BAALC: variants seen among roughly 807,000 people sequenced by gnomAD.
BAALC encodes the protein BAALC binder of MAP3K1 and KLF4, also known as brain and acute leukemia cytoplasmic protein.
Under a neutral mutation model 15.5 loss-of-function variants are expected in BAALC, and 9 were observed. That is an observed-to-expected ratio of 0.58 (90% confidence interval 0.35 to 1.02). The LOEUF (loss-of-function observed/expected upper bound fraction) is 1.02. Ranked by LOEUF, BAALC falls within the 50% of genes least tolerant of loss-of-function variation. BAALC has a pLI of 0.02. For synonymous variants in BAALC, 80 were observed against 74.6 expected, an observed-to-expected ratio of 1.07 and a Z score of -0.37; for missense variants, 201 against 192.4, an observed-to-expected ratio of 1.04 and a Z score of -0.27.
In BAALC at chr8:103,163,313, C is replaced by G. The variant is rs145862628; in HGVS notation, c.160+22256C>G. ...ATCCAGCAGGCTCTCCCAGAAGACT[C>G]ACCTGCTGCTGACGTTATCCTCCCA... On this transcript the variant is annotated intron_variant, in intron 1 of 2. Coordinates refer to ENST00000309982, the MANE Select transcript of BAALC (RefSeq NM_024812.3). Among the ~76,000 whole-genome samples the G allele has an allele frequency of 3.4e-3, 517 of 152,264 alleles. 3 individuals carry two copies. The highest frequency in any genetic ancestry group is 5.7e-3 in the Non-Finnish European group (387 of 68,012).
chr8:103,161,879 C>G (rs1811232702), intron 1 of BAALC, among the ~76,000 whole-genome samples: 1 of 152,148 alleles, frequency 6.6e-6, no homozygotes, highest in South Asian at 2.1e-4. Context: ...AAGTTGCCAT[C>G]TTTTTATACA....
rs111677857 is a variant in BAALC, at chr8:103,228,226, A to G, written c.*127A>G. ...TGAATTCTACTGAGTCCCTGGCAAG[A>G]CTGTCTTACCTGGCAGCAAACTGCT... On this transcript the variant is annotated 3_prime_UTR_variant, in exon 3 of 3. Coordinates refer to ENST00000309982, the MANE Select transcript of BAALC (RefSeq NM_024812.3). 1,370 of 661,788 alleles carry G rather than the reference A, an allele frequency of 2.1e-3. 15 individuals carry two copies. In the African/African-American group the frequency reaches 0.022, roughly 10 times the overall value. 41.0% of individuals were successfully genotyped at this position (661,788 alleles called of 1,614,324 possible).
intron 1 of BAALC, among the ~76,000 whole-genome samples, chr8:103,149,423 A>G (rs1416394728): frequency 6.6e-6 from 1 of 152,116 alleles, no homozygotes; most frequent in African/African-American, 2.4e-5. Context: ...AGAATCATAT[A>G]TTTTTTTCTG....
chr8:103,145,881 A>G (rs1376085015), intron 1 of BAALC, among the ~76,000 whole-genome samples: 1 of 152,134 alleles, frequency 6.6e-6, no homozygotes, highest in African/African-American at 2.4e-5. Context: ...TTTTGCATTT[A>G]TTTCTGTTAA....
intron 1 of BAALC, among the ~76,000 whole-genome samples, chr8:103,195,573 C>A (rs1333304485): frequency 2.6e-5 from 4 of 152,166 alleles, no homozygotes; most frequent in African/African-American, 7.2e-5. Context: ...GGATGAGTGG[C>A]TGGCACCCTA....
In BAALC at chr8:103,221,462, T is replaced by A. The variant is rs61269823; in HGVS notation, c.328-6527T>A. 9.8e-4 allele frequency among the ~76,000 whole-genome samples: 147 copies of A among 150,560 alleles called. No individual in the cohort carries two copies. The East Asian group carries it at 0.023, about 24-fold the overall frequency. On this transcript the variant is annotated intron_variant, in intron 2 of 2. Coordinates refer to ENST00000309982, the MANE Select transcript of BAALC (RefSeq NM_024812.3). ...CCTCTCATTATGGAATTGGGGGCCA[T>A]ACTTTTTTTTTTTTAAGCCAGTAAT...
chr8:103,175,820 G>A (rs1249571356), intron 1 of BAALC, among the ~76,000 whole-genome samples: 6 of 152,180 alleles, frequency 3.9e-5, no homozygotes, highest in Non-Finnish European at 7.3e-5. Context: ...TGGGGGTATC[G>A]TCTATTTATA....
intron 1 of BAALC, among the ~76,000 whole-genome samples, chr8:103,179,197 C>G (rs1811673406): frequency 6.6e-6 from 1 of 152,156 alleles, no homozygotes; most frequent in African/African-American, 2.4e-5. Context: ...ATGCCTCCAG[C>G]ACTATGGAAA....
chr8:103,188,531 A>C (rs1033337968), intron 1 of BAALC, among the ~76,000 whole-genome samples: 1 of 152,248 alleles, frequency 6.6e-6, no homozygotes, highest in Non-Finnish European at 1.5e-5. Flanking sequence ...CTAATGAAGA[A>C]TGTATCCTTT....
At chr8:103,215,569 T>C (rs1287993544) in intron 2 of BAALC, among the ~76,000 whole-genome samples, 2 of 152,196 alleles carry the variant, frequency 1.3e-5, no homozygotes, top group Non-Finnish European at 2.9e-5. Context: ...GCTGGCTCAG[T>C]CTGTTCCATA....
intron 1 of BAALC, among the ~76,000 whole-genome samples, chr8:103,176,530 G>A (rs1016215981): frequency 6.6e-6 from 1 of 152,098 alleles, no homozygotes; most frequent in African/African-American, 2.4e-5. Flanking sequence ...AGAAGGGACA[G>A]AAACACACCG....
At chr8:103,195,814 C>A (rs769808367) in intron 1 of BAALC, among the ~76,000 whole-genome samples, 1 of 152,178 alleles carries the variant, frequency 6.6e-6, no homozygotes, top group Non-Finnish European at 1.5e-5. Context: ...CTAAACAGTT[C>A]AAGACTCTTT....
chr8:103,213,210 G>A (rs1812490607), intron 2 of BAALC, 125 bp downstream of exon 2: 1 of 1,077,144 alleles, frequency 9.3e-7, no homozygotes, highest in Non-Finnish European at 1.3e-6. Context: ...GAAAAAAAAA[G>A]TCTCTGCCCC....
At chr8:103,200,852 G>A (rs1460778267) in intron 1 of BAALC, 1 of 563,918 alleles carries the variant, frequency 1.8e-6, no homozygotes, top group East Asian at 2.8e-5. Context: ...CTTCCTAAAG[G>A]TCCTGCCTCT....
chr8:103,197,153 A>G (rs1286046571), intron 1 of BAALC, among the ~76,000 whole-genome samples: 1 of 152,226 alleles, frequency 6.6e-6, no homozygotes, highest in Non-Finnish European at 1.5e-5. Context: ...ATTATTGCCT[A>G]GCTCTGAAAA....
intron 2 of BAALC, 44 bp downstream of exon 2, chr8:103,213,129 G>A (rs1403363422): frequency 3.1e-6 from 5 of 1,598,134 alleles, no homozygotes; most frequent in South Asian, 1.1e-5. Flanking sequence ...GGAGAATGGG[G>A]GTAGGGCTTG....
chr8:103,212,560 G>A (rs76412417), intron 1 of BAALC, among the ~76,000 whole-genome samples: 3,635 of 152,238 alleles, frequency 0.024, 147 homozygotes, highest in African/African-American at 0.082. Context: ...TAACCACAAG[G>A]TGTTTCATCA....
chr8:103,167,313 G>T (rs1811370316), intron 1 of BAALC, among the ~76,000 whole-genome samples: 1 of 152,194 alleles, frequency 6.6e-6, no homozygotes, highest in African/African-American at 2.4e-5. Context: ...GATCTAGGAG[G>T]AGTCCTTGTG....
chr8:103,189,041 G>A (rs958051696), intron 1 of BAALC, among the ~76,000 whole-genome samples: 8 of 152,160 alleles, frequency 5.3e-5, no homozygotes, highest in African/African-American at 1.9e-4. Flanking sequence ...AAGGAAACAA[G>A]GATAGTAGTG....
Sources: allele counts gnomAD v4.1 joint callset (sites outside exome capture counted in the v4.1 genomes callset), GRCh38; gene constraint gnomAD v4.1.1; transcripts MANE v1.5; gene names NCBI Gene and HGNC (gene_info 2026-07-23, HGNC 2026-07-21).